FOXP2: variants seen among roughly 807,000 people sequenced by gnomAD.
The protein encoded by FOXP2 is forkhead box P2, also known as forkhead box protein P2.
In FOXP2, 12 loss-of-function variants were observed where a neutral mutation model predicts 115.8. The observed-to-expected ratio is 0.10, with a 90% CI of 0.07 to 0.17. The LOEUF (loss-of-function observed/expected upper bound fraction) is 0.17, where lower values mean the gene tolerates loss of function less well. FOXP2 is among the 10% of genes least tolerant of loss of function. The pLI is 1.00. For synonymous variants in FOXP2, 328 were observed against 297.7 expected, an observed-to-expected ratio of 1.10 and a Z score of -1.05; for missense variants, 629 against 843.5, an observed-to-expected ratio of 0.75 and a Z score of 3.15.
At chr7:114,175,459 T>G (rs551401126) in intron 1 of FOXP2, among the ~76,000 whole-genome samples, 1 of 152,302 alleles carries the variant, frequency 6.6e-6, no homozygotes, top group South Asian at 2.1e-4. Context: ...TCAGACACTA[T>G]AGAATAGTTT....
chr7:114,247,928 C>G (rs1448970175), intron 1 of FOXP2, among the ~76,000 whole-genome samples: 1 of 152,094 alleles, frequency 6.6e-6, no homozygotes, highest in East Asian at 1.9e-4. Flanking sequence ...TGCAGACACA[C>G]ACAGGCACAG....
At chr7:114,636,291 G>A (rs1008251762) in intron 6 of FOXP2, among the ~76,000 whole-genome samples, 5 of 151,948 alleles carry the variant, frequency 3.3e-5, no homozygotes, top group Admixed American at 3.3e-4. Context: ...AATTATTCTG[G>A]CCATGTATGT....
intron 2 of FOXP2, among the ~76,000 whole-genome samples, chr7:114,392,060 T>C (rs1001598791): frequency 1.3e-5 from 2 of 152,188 alleles, no homozygotes; most frequent in Admixed American, 1.3e-4. Flanking sequence ...AGAATGAGAA[T>C]GTCATAATTT....
intron 2 of FOXP2, 138 bp from the exon 3 acceptor site, chr7:114,534,479 A>T (rs1799283340): frequency 5.3e-6 from 4 of 758,660 alleles, no homozygotes; most frequent in Non-Finnish European, 9.1e-6. Flanking sequence ...TTCATATTAG[A>T]AGATAAACAA....
intron 13 of FOXP2, 153 bp from the exon 14 acceptor site, chr7:114,661,912 A>T: frequency 1.1e-6 from 1 of 896,102 alleles, no homozygotes; most frequent in South Asian, 1.6e-5. Flanking sequence ...TGTAAGTTTG[A>T]GGTTTGTAAT....
At chr7:114,114,240 T>TAC (rs1313973909) in intron 1 of FOXP2, among the ~76,000 whole-genome samples, 1 of 150,804 alleles carries the variant, frequency 6.6e-6, no homozygotes, top group African/African-American at 2.4e-5. Context: ...TATATATATA[T>TAC]ACGCATATAT....
intron 1 of FOXP2, among the ~76,000 whole-genome samples, chr7:114,235,607 C>T (rs1794989278): frequency 2.0e-5 from 3 of 152,132 alleles, no homozygotes; most frequent in African/African-American, 7.2e-5. Context: ...TCTTTATTTG[C>T]TTTGAAGATA....
At chr7:114,583,624 A>T (rs953327650) in intron 3 of FOXP2, among the ~76,000 whole-genome samples, 1 of 152,182 alleles carries the variant, frequency 6.6e-6, no homozygotes, top group Non-Finnish European at 1.5e-5. Context: ...TTGATGACTG[A>T]TAAGAATAAA....
At chr7:114,358,132 A>G (rs1049964093) in intron 2 of FOXP2, among the ~76,000 whole-genome samples, 1 of 152,134 alleles carries the variant, frequency 6.6e-6, no homozygotes, top group Non-Finnish European at 1.5e-5. Flanking sequence ...TGCTGTTCTC[A>G]TGATAGTGGA....
chr7:114,401,786 T>C (rs1178034933), intron 2 of FOXP2, among the ~76,000 whole-genome samples: 3 of 152,204 alleles, frequency 2.0e-5, no homozygotes, highest in East Asian at 3.9e-4. Flanking sequence ...AAGAATATTA[T>C]ATACAGCTTA....
chr7:114,162,771 GTTAAT>G (rs1562987358), upstream of FOXP2, among the ~76,000 whole-genome samples: 1 of 151,870 alleles, frequency 6.6e-6, no homozygotes, highest in Admixed American at 6.6e-5. Context: ...TTTTAGTGGT[GTTAAT>G]TTAAATACTA....
intron 3 of FOXP2, among the ~76,000 whole-genome samples, chr7:114,561,956 G>C: frequency 6.6e-6 from 1 of 151,912 alleles, no homozygotes; most frequent in East Asian, 1.9e-4. Flanking sequence ...TGTCTAACTT[G>C]GACCGGTTCT....
Position 114,426,577 on chromosome 7 carries a change from T to C in FOXP2, c.66T>C (p.Thr22=), listed in dbSNP as rs770486674. Residue 22 remains threonine, a synonymous_variant, in exon 2 of 17, where the codon ACT becomes ACC. Transcript: ENST00000350908. ...CAATGAATCAAAATGGAATGAGCAC[T>C]CTAAGCAGCCAATTAGATGCTGGCA... ...NSSMNQNGMS[T]LSSQLDAGSR... 2 of 1,611,700 alleles carry C rather than the reference T, an allele frequency of 1.2e-6. No individual in the cohort carries two copies. The highest frequency in any genetic ancestry group is 2.2e-5 in the South Asian group (2 of 91,044).
intron 2 of FOXP2, among the ~76,000 whole-genome samples, chr7:114,514,176 A>C (rs532861944): frequency 6.6e-6 from 1 of 152,188 alleles, no homozygotes; most frequent in Non-Finnish European, 1.5e-5. Flanking sequence ...GTATATATAC[A>C]TGCTGTTTTC....
intron 2 of FOXP2, among the ~76,000 whole-genome samples, chr7:114,400,616 C>T (rs755885169): frequency 3.3e-5 from 5 of 151,938 alleles, no homozygotes; most frequent in Admixed American, 6.6e-5. Flanking sequence ...CGGGTGGGGT[C>T]GGGGGGAATG....
chr7:114,255,321 C>T (rs553763423), intron 1 of FOXP2, among the ~76,000 whole-genome samples: 1 of 152,268 alleles, frequency 6.6e-6, no homozygotes, highest in African/African-American at 2.4e-5. Flanking sequence ...TCAAAGCTGT[C>T]AGACAGGGAC....
chr7:114,542,154 T>C (rs928992694), intron 3 of FOXP2, among the ~76,000 whole-genome samples: 6 of 152,136 alleles, frequency 3.9e-5, no homozygotes, highest in Non-Finnish European at 1.5e-5. Flanking sequence ...CTTCACCTTT[T>C]CTACTGCTTT....
chr7:114,482,535 A>T (rs1584790794), intron 2 of FOXP2, among the ~76,000 whole-genome samples: 1 of 151,490 alleles, frequency 6.6e-6, no homozygotes, highest in Non-Finnish European at 1.5e-5. Flanking sequence ...TATCACGAAG[A>T]AAAAAAGAAT....
intron 3 of FOXP2, among the ~76,000 whole-genome samples, chr7:114,614,481 T>A (rs1803817602): frequency 6.6e-6 from 1 of 152,188 alleles, no homozygotes; most frequent in South Asian, 2.1e-4. Flanking sequence ...TTTGTTATGG[T>A]TTGTACTATG....
Sources: allele counts gnomAD v4.1 joint callset (sites outside exome capture counted in the v4.1 genomes callset), GRCh38; gene constraint gnomAD v4.1.1; transcripts MANE v1.5; gene names NCBI Gene and HGNC (gene_info 2026-07-23, HGNC 2026-07-21).